Variants in STRIT1 observed in about 807,000 individuals in gnomAD.
STRIT1 encodes sarcoplasmic/endoplasmic reticulum calcium ATPase regulator DWORF.
At position 155,290,242 on chromosome 3, in the gene STRIT1, CTTTA is replaced by C. The variant is rs750099651; in HGVS notation, c.*605_*608del. ...TACCAACTCATATGTTGTCAAACAT[CTTTA>C]TTTTTTTCCCATCTGATAAGTGAGC... On this transcript the variant is annotated 3_prime_UTR_variant, in exon 3 of 3. Coordinates refer to ENST00000489090, the MANE Select transcript of STRIT1 (RefSeq NM_001352129.2). The C allele has an allele frequency of 3.3e-5, 5 of 152,164 alleles. No homozygotes were observed. The highest frequency in any genetic ancestry group is 7.4e-5 in the Non-Finnish European group (5 of 68,008). The allele number at this position is 152,164 out of a possible 1,614,324, so 9.4% of individuals were successfully genotyped here.
At chr3:155,292,756 A>G (rs927451428) in intron 1 of STRIT1, among the ~76,000 whole-genome samples, 1 of 152,186 alleles carries the variant, frequency 6.6e-6, no homozygotes, top group Admixed American at 6.6e-5. Flanking sequence ...TTACTAGCAC[A>G]AATAAGAACA....
In STRIT1 at chr3:155,290,853, G is replaced by A. The variant is rs976440917; in HGVS notation, c.*5-7C>T. ...CAATCTGATATCTTCTTGCCTGAAAGACAAAACATTCCATTAGTAAAATAG... is the reference window on the plus strand; with the variant it reads ...CAATCTGATATCTTCTTGCCTGAAAAACAAAACATTCCATTAGTAAAATAG... On this transcript the variant is annotated splice_polypyrimidine_tract_variant and splice_region_variant and intron_variant, in intron 2 of 2. Coordinates refer to ENST00000489090, the MANE Select transcript of STRIT1 (RefSeq NM_001352129.2). The A allele has an allele frequency of 2.5e-6, 1 of 395,774 alleles. No homozygotes were observed. Among genetic ancestry groups the A allele is most frequent in the Non-Finnish European group, 4.5e-6 (1 of 224,318 alleles). The allele number at this position is 395,774 out of a possible 1,614,324, so 24.5% of individuals were successfully genotyped here.
chr3:155,291,113 G>A (rs1011175750), intron 1 of STRIT1, 75 bp from the exon 2 acceptor site: 6 of 396,978 alleles, frequency 1.5e-5, no homozygotes, highest in Admixed American at 8.8e-5. Flanking sequence ...GAGAATAAAA[G>A]GAATTTGGTA....
intron 1 of STRIT1, among the ~76,000 whole-genome samples, chr3:155,293,283 A>G (rs1715682566): frequency 6.6e-6 from 1 of 152,128 alleles, no homozygotes; most frequent in Non-Finnish European, 1.5e-5. Flanking sequence ...GCCATTTACT[A>G]GCAGGTCTGA....
chr3:155,292,644 TG>T (rs781713271), intron 1 of STRIT1, among the ~76,000 whole-genome samples: 38 of 152,218 alleles, frequency 2.5e-4, no homozygotes, highest in South Asian at 2.1e-4. Context: ...TACATTCCAT[TG>T]TTTTTTTAAC....
Position 155,291,019 on chromosome 3 carries a change from G to A in STRIT1, c.33C>T (p.His11=). 2.5e-6 allele frequency: 1 copy of A among 398,480 alleles called. No individual in the cohort carries two copies. Among genetic ancestry groups the A allele is most frequent in the East Asian group, 3.6e-5 (1 of 28,014 alleles). The allele number at this position is 398,480 out of a possible 1,614,324, so 24.7% of individuals were successfully genotyped here. Residue 11 remains histidine (H), a synonymous_variant, in exon 2 of 3, where the codon CAC becomes CAT. Coordinates refer to ENST00000489090, the MANE Select transcript of STRIT1 (RefSeq NM_001352129.2). ...TCAGGAGAAGAATAGGAACCAGAAG[G>A]TGTGAAAATGTAGACCCCGCTTTAA... MAEKAGSTFS[H]LLVPILLLIG...
At chr3:155,291,607 G>A (rs1166418271) in intron 1 of STRIT1, among the ~76,000 whole-genome samples, 1 of 152,094 alleles carries the variant, frequency 6.6e-6, no homozygotes, top group Non-Finnish European at 1.5e-5. Context: ...CATACATTAT[G>A]TAACCATTCT....
At position 155,290,564 on chromosome 3, in the gene STRIT1, G is replaced by T. The variant is rs1321400353; in HGVS notation, c.*287C>A. 1 of 152,040 alleles carries T rather than the reference G, an allele frequency of 6.6e-6. No individual in the cohort carries two copies. The highest frequency in any genetic ancestry group is 2.4e-5 in the African/African-American group (1 of 41,270). The allele number at this position is 152,040 out of a possible 1,614,324, so 9.4% of individuals were successfully genotyped here. The stretch of plus-strand genomic sequence containing the variant: ...CTCTATAGTTTTTTCCAGAGGGAAG[G>T]GGGGATAATTTTTTGTAATGTGATT... On this transcript the variant is annotated 3_prime_UTR_variant, in exon 3 of 3. Coordinates refer to ENST00000489090, the MANE Select transcript of STRIT1 (RefSeq NM_001352129.2).
chr3:155,291,900 G>A (rs977391630), intron 1 of STRIT1, among the ~76,000 whole-genome samples: 4 of 152,122 alleles, frequency 2.6e-5, no homozygotes, highest in Admixed American at 6.6e-5. Context: ...TTTAGAAAGA[G>A]CGCAGAAAAA....
At chr3:155,293,594 A>G (rs1715689390) in intron 1 of STRIT1, 26 bp downstream of exon 1, 2 of 397,000 alleles carry the variant, frequency 5.0e-6, no homozygotes, top group Non-Finnish European at 4.4e-6. Context: ...TTTTTTGCCA[A>G]GAGAATCCTA....
Position 155,293,600 on chromosome 3 carries a change from T to C in STRIT1, c.13+20A>G, listed in dbSNP as rs1335312382. On this transcript the variant is annotated intron_variant, in intron 1 of 2. Coordinates refer to ENST00000489090, the MANE Select transcript of STRIT1 (RefSeq NM_001352129.2). ...CTTTTTTTTTTTTTTGCCAAGAGAA[T>C]CCTATGCCTTAAATCTTACCTTTTT... 2 of 389,626 alleles carry C rather than the reference T, an allele frequency of 5.1e-6. No homozygotes were observed. The highest frequency in any genetic ancestry group is 2.2e-5 in the African/African-American group (1 of 46,176). The allele number at this position is 389,626 out of a possible 1,614,324, so 24.1% of individuals were successfully genotyped here.
At chr3:155,291,334 A>G (rs1301925218) in intron 1 of STRIT1, 3 of 240,970 alleles carry the variant, frequency 1.2e-5, no homozygotes, top group African/African-American at 2.2e-5. Flanking sequence ...ACCTCCTGGA[A>G]TAGTTTTGAA....
intron 1 of STRIT1, among the ~76,000 whole-genome samples, chr3:155,292,009 A>G (rs1715649651): frequency 6.6e-6 from 1 of 152,188 alleles, no homozygotes; most frequent in South Asian, 2.1e-4. Flanking sequence ...GAGAGAATGC[A>G]TATTCTTAGC....
chr3:155,292,226 A>G (rs1440214905), intron 1 of STRIT1, among the ~76,000 whole-genome samples: 1 of 152,164 alleles, frequency 6.6e-6, no homozygotes, highest in Non-Finnish European at 1.5e-5. Context: ...AAAATTCAAC[A>G]TGCTTTTCTT....
Position 155,291,038 on chromosome 3 carries a change from G to A in STRIT1, c.14C>T (p.Ala5Val), listed in dbSNP as rs1007661440. 8 of 398,294 alleles carry A rather than the reference G, an allele frequency of 2.0e-5. No homozygotes were observed. The highest frequency in any genetic ancestry group is 8.2e-5 in the African/African-American group (4 of 48,554). The allele number at this position is 398,294 out of a possible 1,614,324, so 24.7% of individuals were successfully genotyped here. The part of the protein sequence containing the change: MAEK[A>V]GSTFSHLLVP... The stretch of plus-strand genomic sequence containing the variant: ...CAGAAGGTGTGAAAATGTAGACCCC[G>A]CTTTAAAATAAACCGTAGAAAACAG... Residue 5 changes from alanine to valine, a missense_variant and splice_region_variant, in exon 2 of 3, where the codon GCG (alanine) becomes GTG (valine). Coordinates refer to ENST00000489090, the MANE Select transcript of STRIT1 (RefSeq NM_001352129.2).
chr3:155,291,115 A>C (rs1358090191), intron 1 of STRIT1, 77 bp from the exon 2 acceptor site: 2 of 396,988 alleles, frequency 5.0e-6, no homozygotes, highest in Non-Finnish European at 8.9e-6. Context: ...GAATAAAAGG[A>C]ATTTGGTAAC....
intron 1 of STRIT1, 92 bp downstream of exon 1, chr3:155,293,528 G>C (rs1715686907): frequency 5.0e-6 from 2 of 397,030 alleles, no homozygotes; most frequent in African/African-American, 2.1e-5. Context: ...ATTTTTTAGA[G>C]TGACTGGGAA....
In STRIT1 at chr3:155,291,934, G is replaced by A. The variant is rs554292051; in HGVS notation, c.14-896C>T. On this transcript the variant is annotated intron_variant, in intron 1 of 2. Coordinates refer to ENST00000489090, the MANE Select transcript of STRIT1 (RefSeq NM_001352129.2). ...AACATTCTATGGAATTAATGTCCCT[G>A]TGTTAAGGACTCAGATATATTCTTA... Among the ~76,000 whole-genome samples, 22 of 152,236 alleles carry A rather than the reference G, an allele frequency of 1.4e-4. No homozygotes were observed. The East Asian group carries it at 4.0e-3, about 28-fold the overall frequency.
chr3:155,291,384 C>T (rs1715634770), intron 1 of STRIT1: 1 of 172,612 alleles, frequency 5.8e-6, no homozygotes, highest in Admixed American at 6.3e-5. Flanking sequence ...TTTGTAAACT[C>T]TAACCACCGT....
Sources: gnomAD v4.1 joint callset for allele counts (sites outside exome capture counted in the v4.1 genomes callset) on GRCh38, gnomAD v4.1.1 for gene constraint, MANE v1.5 for transcripts, NCBI Gene and HGNC (gene_info 2026-07-23, HGNC 2026-07-21) for gene names.